Variants in DOCK5 observed in about 807,000 individuals in gnomAD.
The protein encoded by DOCK5 is dedicator of cytokinesis 5, also known as dedicator of cytokinesis protein 5.
In DOCK5, 142 loss-of-function variants were observed where a neutral mutation model predicts 251.8. That is an observed-to-expected ratio of 0.56 (90% CI 0.49 to 0.65). DOCK5 has a LOEUF of 0.65. DOCK5 is among the 30% of genes least tolerant of loss of function. The pLI is 0.00. For missense variants in DOCK5, 2,111 were observed against 2,312.3 expected (o/e 0.91, Z 1.79); for synonymous variants, 842 against 835.5 (o/e 1.01, Z -0.13).
At chr8:25,354,394 C>T (rs1800530590) in intron 27 of DOCK5, among the ~76,000 whole-genome samples, 1 of 152,158 alleles carries the variant, frequency 6.6e-6, no homozygotes, top group Non-Finnish European at 1.5e-5. Context: ...TAATTACATA[C>T]TTGAATTCAA....
Position 25,415,004 on chromosome 8 carries a change from G to T in DOCK5, c.*3706G>T, listed in dbSNP as rs2117359590. On this transcript the variant is annotated 3_prime_UTR_variant, in exon 52 of 52. Coordinates refer to ENST00000276440, the MANE Select transcript of DOCK5 (RefSeq NM_024940.8). ...CTTTTTATTTAAACAAAAAGAGGGG[G>T]AGGATCTGAAGGAAACTAGTTTTCT... The T allele has an allele frequency of 6.8e-6, 1 of 147,608 alleles. No homozygotes were observed. The highest frequency in any genetic ancestry group is 2.5e-5 in the African/African-American group (1 of 40,268). 9.1% of individuals were successfully genotyped at this position (147,608 alleles called of 1,614,324 possible).
At chr8:25,304,401 C>A in intron 11 of DOCK5, 74 bp downstream of exon 11, 2 of 1,315,736 alleles carry the variant, frequency 1.5e-6, no homozygotes, top group Non-Finnish European at 2.1e-6. Context: ...AACACAGAAA[C>A]AGGTGTTAGA....
At chr8:25,337,871 CA>C (rs1416484592) in intron 22 of DOCK5, among the ~76,000 whole-genome samples, 5 of 152,096 alleles carry the variant, frequency 3.3e-5, no homozygotes, top group Admixed American at 2.0e-4. Flanking sequence ...AGGCATGAGC[CA>C]CTGCGCCTGG....
In DOCK5 at chr8:25,411,889, C is replaced by CTA; in HGVS notation, c.*593_*594dup. 1 of 152,094 alleles carries CTA rather than the reference C, an allele frequency of 6.6e-6. No homozygotes were observed. The highest frequency in any genetic ancestry group is 1.5e-5 in the Non-Finnish European group (1 of 68,014). 9.4% of individuals were successfully genotyped at this position (152,094 alleles called of 1,614,324 possible). A position where few individuals can be genotyped will look rare whatever the true frequency, so the allele number is the denominator to read the frequency against. ...ATTGGCTGCTTTCAGGTATGTGTGT[C>CTA]TATCATTGAAAGAGCATGGACTCAA... On this transcript the variant is annotated 3_prime_UTR_variant, in exon 52 of 52. Coordinates refer to ENST00000276440, the MANE Select transcript of DOCK5 (RefSeq NM_024940.8).
chr8:25,391,944 C>G lies in DOCK5; in HGVS notation c.4404C>G (p.Phe1468Leu), dbSNP rs781631730. ...AGCAGTTCAGATACTCCCGGCCGTT[C>G]CGGAAAGGAGAAAAGGATCCAGACA... ...EVQQFRYSRP[F>L]RKGEKDPDNE... Residue 1468 changes from phenylalanine to leucine, a missense_variant, in exon 43 of 52, where the codon TTC becomes TTG. Physicochemically the swap from Phe to Leu is conservative, Grantham distance 22. Transcript: ENST00000276440. 1.2e-6 allele frequency: 2 copies of G among 1,613,858 alleles called. No individual in the cohort carries two copies. The highest frequency in any genetic ancestry group is 1.7e-6 in the Non-Finnish European group (2 of 1,179,850).
At chr8:25,377,906 GTTTC>G (rs1401015176) in intron 38 of DOCK5, among the ~76,000 whole-genome samples, 1 of 130,870 alleles carries the variant, frequency 7.6e-6, no homozygotes, top group African/African-American at 3.0e-5. Context: ...TTTTATTGGG[GTTTC>G]TTTTTTTTTT....
At chr8:25,308,001 A>G (rs559002903) in intron 11 of DOCK5, among the ~76,000 whole-genome samples, 4 of 152,338 alleles carry the variant, frequency 2.6e-5, no homozygotes, top group African/African-American at 9.6e-5. Context: ...TGCCAGTCAC[A>G]TATTGCAGTG....
chr8:25,342,521 A>G lies in DOCK5; in HGVS notation c.2617+14A>G, dbSNP rs1189041291. On this transcript the variant is annotated intron_variant, in intron 25 of 51. Transcript: ENST00000276440. ...TTCGACAGTCAGGTAAGTCTCCTTCAAAACTTGCTGCATGAGGTTGCAGTG... is the reference window on the plus strand; with the variant it reads ...TTCGACAGTCAGGTAAGTCTCCTTCGAAACTTGCTGCATGAGGTTGCAGTG... 6.4e-7 allele frequency: 1 copy of G among 1,555,952 alleles called. No homozygotes were observed. Among genetic ancestry groups the G allele is most frequent in the South Asian group, 1.2e-5 (1 of 85,404 alleles).
At chr8:25,380,268 G>A in intron 38 of DOCK5, 37 bp from the exon 39 acceptor site, 1 of 1,570,678 alleles carries the variant, frequency 6.4e-7, no homozygotes, top group East Asian at 2.3e-5. Context: ...TGACTGCCTT[G>A]TTCTCCACTT....
intron 5 of DOCK5, among the ~76,000 whole-genome samples, chr8:25,287,284 C>T (rs574363309): frequency 6.6e-6 from 1 of 152,170 alleles, no homozygotes; most frequent in African/African-American, 2.4e-5. Flanking sequence ...AAAATTATCT[C>T]ATTGTGTGGT....
chr8:25,219,342 T>A (rs1022086133), intron 1 of DOCK5, among the ~76,000 whole-genome samples: 1 of 152,172 alleles, frequency 6.6e-6, no homozygotes, highest in Non-Finnish European at 1.5e-5. Context: ...CATGTTTTTT[T>A]ATTAAAGACC....
chr8:25,313,910 C>T (rs1430089871), intron 13 of DOCK5, among the ~76,000 whole-genome samples: 1 of 151,726 alleles, frequency 6.6e-6, no homozygotes. Flanking sequence ...GTGGCTTCAG[C>T]ATATGAATTT....
intron 45 of DOCK5, among the ~76,000 whole-genome samples, chr8:25,396,763 C>CGTGTGTGTGTGTGTGTGTGTGTGT (rs5890230): frequency 1.4e-5 from 2 of 147,110 alleles, no homozygotes; most frequent in African/African-American, 2.5e-5. Context: ...CTCTTGTGTC[C>CGTGTGTGTGTGTGTGTGTGTGTGT]GTGTGTGTGT....
At chr8:25,257,229 G>A (rs991371048) in intron 2 of DOCK5, among the ~76,000 whole-genome samples, 33 of 152,114 alleles carry the variant, frequency 2.2e-4, no homozygotes, top group Non-Finnish European at 1.3e-4. Context: ...TGTACCTTCC[G>A]TGTCTGACAT....
chr8:25,271,748 G>A (rs1303610939), intron 3 of DOCK5, among the ~76,000 whole-genome samples: 1 of 152,198 alleles, frequency 6.6e-6, no homozygotes, highest in African/African-American at 2.4e-5. Flanking sequence ...CTACTCAAGT[G>A]AGTGGGTTAC....
In DOCK5 at chr8:25,268,886, G is replaced by A; in HGVS notation, c.168+1G>A. 1 of 1,559,004 alleles carries A rather than the reference G, an allele frequency of 6.4e-7. No homozygotes were observed. Among genetic ancestry groups the A allele is most frequent in the Admixed American group, 2.0e-5 (1 of 49,152 alleles). ...TACCCTCCAAAATAAATCTAAAAAG[G>A]TATGACTTATCATTCACTTTTTAAT... On this transcript the variant is annotated splice_donor_variant, in intron 3 of 51. Coordinates refer to ENST00000276440, the MANE Select transcript of DOCK5 (RefSeq NM_024940.8). LOFTEE classifies it high-confidence loss of function.
chr8:25,203,025 C>G (rs2117464444), intron 1 of DOCK5, among the ~76,000 whole-genome samples: 1 of 152,304 alleles, frequency 6.6e-6, no homozygotes, highest in East Asian at 1.9e-4. Flanking sequence ...TTCATAATGG[C>G]TGCTTTCCTT....
At chr8:25,203,895 C>T (rs1399739491) in intron 1 of DOCK5, among the ~76,000 whole-genome samples, 1 of 152,326 alleles carries the variant, frequency 6.6e-6, no homozygotes, top group Non-Finnish European at 1.5e-5. Context: ...AAAAGTACAG[C>T]ATCTCAGTGA....
At position 25,390,321 on chromosome 8, in the gene DOCK5, C is replaced by A. The variant is rs769762447; in HGVS notation, c.4355+34C>A. The A allele has an allele frequency of 3.8e-6, 5 of 1,332,546 alleles. No individual in the cohort carries two copies. The South Asian group carries it at 5.1e-5, about 14-fold the overall frequency. The allele number at this position is 1,332,546 out of a possible 1,614,324, so 82.5% of individuals were successfully genotyped here. A position where few individuals can be genotyped will look rare whatever the true frequency, so the allele number is the denominator to read the frequency against. On this transcript the variant is annotated intron_variant, in intron 42 of 51. Coordinates refer to ENST00000276440, the MANE Select transcript of DOCK5 (RefSeq NM_024940.8). ...TTTTTCATTTAAAAAAAAAAAAAAT[C>A]TGTGTCTAGGCACAGTGGCTCACAT...
Sources: gnomAD v4.1 joint callset for allele counts (sites outside exome capture counted in the v4.1 genomes callset) on GRCh38, gnomAD v4.1.1 for gene constraint, MANE v1.5 for transcripts, NCBI Gene and HGNC (gene_info 2026-07-23, HGNC 2026-07-21) for gene names.